TTC17: variants seen among roughly 807,000 people sequenced by gnomAD.
The protein encoded by TTC17 is tetratricopeptide repeat protein 17.
Under a neutral mutation model 143.8 loss-of-function variants are expected in TTC17, and 58 were observed. The observed-to-expected ratio is 0.40, with a 90% confidence interval of 0.33 to 0.50. The LOEUF is 0.50. TTC17 is among the 20% of genes least tolerant of loss of function. The pLI, the probability that TTC17 is intolerant of heterozygous loss-of-function variation, is 0.49. For missense variants in TTC17, 1,273 were observed against 1,392.5 expected, an observed-to-expected ratio of 0.91 and a Z score of 1.37; for synonymous variants, 501 against 497.8, an observed-to-expected ratio of 1.01 and a Z score of -0.09.
intron 15 of TTC17, among the ~76,000 whole-genome samples, chr11:43,408,464 G>A (rs572639032): frequency 2.6e-5 from 4 of 152,178 alleles, no homozygotes; most frequent in Non-Finnish European, 5.9e-5. Context: ...AGTGCTTACT[G>A]TGTACCAGGT....
intron 21 of TTC17, among the ~76,000 whole-genome samples, chr11:43,486,763 C>T (rs566977397): frequency 7.2e-5 from 11 of 152,116 alleles, no homozygotes; most frequent in Non-Finnish European, 1.2e-4. Flanking sequence ...TTACTTGGCA[C>T]GGTGACTCAT....
intron 23 of TTC17, 72 bp from the exon 24 acceptor site, chr11:43,493,701 A>C: frequency 2.5e-6 from 4 of 1,607,724 alleles, no homozygotes; most frequent in Non-Finnish European, 2.6e-6. Context: ...GCTTCTTGAG[A>C]AAAAAGAGGT....
intron 1 of TTC17, among the ~76,000 whole-genome samples, chr11:43,377,175 C>T (rs919599459): frequency 1.3e-5 from 2 of 152,072 alleles, no homozygotes. Context: ...CGCCTGTAAT[C>T]CCAGCTACTC....
At chr11:43,417,081 A>C (rs748173163) in intron 16 of TTC17, among the ~76,000 whole-genome samples, 1 of 152,224 alleles carries the variant, frequency 6.6e-6, no homozygotes, top group African/African-American at 2.4e-5. Context: ...AACAATTTCA[A>C]TATTGTGTTT....
At chr11:43,459,830 C>G (rs1415914417) in intron 21 of TTC17, among the ~76,000 whole-genome samples, 1 of 152,204 alleles carries the variant, frequency 6.6e-6, no homozygotes, top group East Asian at 1.9e-4. Context: ...ATGAAATATT[C>G]AGCACTTCAT....
Position 43,405,959 on chromosome 11 carries a change from T to G in TTC17, c.1761+8T>G. 1 of 1,610,546 alleles carries G rather than the reference T, an allele frequency of 6.2e-7. No individual in the cohort carries two copies. The highest frequency in any genetic ancestry group is 8.5e-7 in the Non-Finnish European group (1 of 1,178,964). On this transcript the variant is annotated splice_region_variant and intron_variant, in intron 13 of 23. Transcript: ENST00000039989. ...GATGACCATGCACGAAAAGTAAGGC[T>G]CACTTAGGCTGGTATTTATTGCCGT...
At chr11:43,477,855 C>G (rs550547969) in intron 21 of TTC17, among the ~76,000 whole-genome samples, 1 of 152,138 alleles carries the variant, frequency 6.6e-6, no homozygotes, top group South Asian at 2.1e-4. Flanking sequence ...GGGAAAGTCT[C>G]TCTAGGAATA....
chr11:43,419,619 CTTTTA>C (rs1455686659), intron 16 of TTC17, among the ~76,000 whole-genome samples: 1 of 152,162 alleles, frequency 6.6e-6, no homozygotes, highest in Non-Finnish European at 1.5e-5. Context: ...CTTTTACATT[CTTTTA>C]TAAGAATTAG....
intron 16 of TTC17, among the ~76,000 whole-genome samples, chr11:43,428,924 G>A (rs1210114547): frequency 2.6e-5 from 4 of 152,084 alleles, no homozygotes; most frequent in South Asian, 2.1e-4. Flanking sequence ...CTTTGCCATT[G>A]TACTTTTGAG....
At chr11:43,471,719 A>G (rs1948095978) in intron 21 of TTC17, among the ~76,000 whole-genome samples, 1 of 152,262 alleles carries the variant, frequency 6.6e-6, no homozygotes, top group Admixed American at 6.5e-5. Context: ...TAATGAAATT[A>G]AAGTAATAAT....
chr11:43,481,754 T>C (rs1006040938), intron 21 of TTC17, among the ~76,000 whole-genome samples: 1 of 152,174 alleles, frequency 6.6e-6, no homozygotes, highest in East Asian at 1.9e-4. Flanking sequence ...CTTTGTATCT[T>C]ATCTCTTTTT....
At chr11:43,376,797 C>A (rs1431867305) in intron 1 of TTC17, among the ~76,000 whole-genome samples, 1 of 152,144 alleles carries the variant, frequency 6.6e-6, no homozygotes, top group East Asian at 1.9e-4. Context: ...TCATGCATTG[C>A]TTAAAAATGG....
intron 22 of TTC17, chr11:43,491,221 C>G (rs1333012791): frequency 1.3e-5 from 2 of 152,256 alleles, no homozygotes; most frequent in Non-Finnish European, 2.9e-5. Context: ...TGGGTCCTTT[C>G]TGTTTCTTCT....
chr11:43,403,957 TC>T (rs753270703), intron 10 of TTC17, 40 bp from the exon 11 acceptor site: 1 of 1,538,736 alleles, frequency 6.5e-7, no homozygotes, highest in Non-Finnish European at 8.8e-7. Context: ...CAACTCCTTT[TC>T]CACTTTCAAT....
At position 43,482,227 on chromosome 11, in the gene TTC17, A is replaced by T. The variant is rs567311711; in HGVS notation, c.3031-8012A>T. Reference sequence around the variant, plus strand: ...CTTGTCTTCCGCTTGCTTAGGATTTAATTTGCTTTTCATTTTTTAGGTTTT... The same window carrying T: ...CTTGTCTTCCGCTTGCTTAGGATTTTATTTGCTTTTCATTTTTTAGGTTTT... On this transcript the variant is annotated intron_variant, in intron 21 of 23. Transcript: ENST00000039989. Among the ~76,000 whole-genome samples the T allele has an allele frequency of 2.7e-5, 4 of 146,690 alleles. No individual in the cohort carries two copies. In the South Asian group the frequency reaches 6.6e-4, roughly 24 times the overall value.
intron 5 of TTC17, among the ~76,000 whole-genome samples, 162 bp downstream of exon 5, chr11:43,392,114 G>A (rs1351189876): frequency 1.3e-5 from 2 of 152,228 alleles, no homozygotes; most frequent in Admixed American, 6.5e-5. Flanking sequence ...TCAGTGCTGG[G>A]GAGAAATATG....
At chr11:43,409,740 A>G (rs952060201) in intron 15 of TTC17, among the ~76,000 whole-genome samples, 7 of 152,230 alleles carry the variant, frequency 4.6e-5, no homozygotes, top group Non-Finnish European at 1.0e-4. Flanking sequence ...CCTCTGAATT[A>G]ACATTTATAA....
intron 23 of TTC17, 120 bp from the exon 24 acceptor site, chr11:43,493,653 T>A (rs768089838): frequency 3.4e-6 from 5 of 1,473,994 alleles, no homozygotes; most frequent in Non-Finnish European, 4.7e-6. Context: ...CTTAGATCCG[T>A]TGAGCAAATG....
chr11:43,482,621 T>C (rs1948308255), intron 21 of TTC17, among the ~76,000 whole-genome samples: 1 of 152,188 alleles, frequency 6.6e-6, no homozygotes, highest in Admixed American at 6.5e-5. Context: ...TCTTGGTTAA[T>C]GCTTCATGTG....
Sources: gnomAD v4.1 joint callset for allele counts (sites outside exome capture counted in the v4.1 genomes callset) on GRCh38, gnomAD v4.1.1 for gene constraint, MANE v1.5 for transcripts, NCBI Gene and HGNC (gene_info 2026-07-23, HGNC 2026-07-21) for gene names.